Variants in LOC122539214 observed in about 807,000 individuals in gnomAD.
chr19:52,674,766 CAT>C, the LOC122539214 span, among the ~76,000 whole-genome samples: 1 of 152,146 alleles, frequency 6.6e-6, no homozygotes, highest in African/African-American at 2.4e-5. Context: ...TGATTAAAAA[CAT>C]AGAGATACAA....
At chr19:52,655,662 G>C in the LOC122539214 span, 1 of 1,306,614 alleles carries the variant, frequency 7.7e-7, no homozygotes, top group Non-Finnish European at 1.1e-6. Context: ...GAATTCTATA[G>C]CCACATCCCT....
the LOC122539214 span, among the ~76,000 whole-genome samples, chr19:52,685,077 A>C: frequency 1.3e-5 from 2 of 151,976 alleles, no homozygotes; most frequent in Non-Finnish European, 2.9e-5. Context: ...GCTTTTCTTC[A>C]TTTTTGGGGT....
the LOC122539214 span, among the ~76,000 whole-genome samples, chr19:52,677,306 TAAAAAAAAAAA>T: frequency 0.19 from 20,024 of 106,484 alleles, 1,525 homozygotes; most frequent in Admixed American, 0.21. Context: ...AATTGAGAAG[TAAAAAAAAAAA>T]AAAAAAAAAA....
chr19:52,689,704 G>A, the LOC122539214 span, among the ~76,000 whole-genome samples: 8 of 151,482 alleles, frequency 5.3e-5, no homozygotes, highest in Non-Finnish European at 2.9e-5. Flanking sequence ...CATCTCTTAT[G>A]GCTCTTTCTC....
At chr19:52,687,609 ATAATGTG>A in the LOC122539214 span, among the ~76,000 whole-genome samples, 2 of 19,422 alleles carry the variant, frequency 1.0e-4, no homozygotes, top group Admixed American at 5.3e-4. Context: ...GTATATATAT[ATAATGTG>A]TATATATATA....
the LOC122539214 span, among the ~76,000 whole-genome samples, chr19:52,663,177 A>C: frequency 6.6e-6 from 1 of 152,152 alleles, no homozygotes; most frequent in Non-Finnish European, 1.5e-5. Context: ...AAGGAAAAAA[A>C]AAATTCCAGG....
the LOC122539214 span, among the ~76,000 whole-genome samples, chr19:52,656,224 C>A: frequency 9.7e-3 from 1,214 of 124,616 alleles, 5 homozygotes; most frequent in African/African-American, 0.025. Flanking sequence ...CTCTCTCTCT[C>A]TCTATATATA....
chr19:52,688,339 T>C, the LOC122539214 span, among the ~76,000 whole-genome samples: 1 of 141,026 alleles, frequency 7.1e-6, no homozygotes, highest in Non-Finnish European at 1.5e-5. Flanking sequence ...CCCGATTAAT[T>C]TTTTTTTTTT....
chr19:52,664,016 C>G, the LOC122539214 span, among the ~76,000 whole-genome samples: 12 of 152,252 alleles, frequency 7.9e-5, no homozygotes, highest in East Asian at 1.9e-3. Context: ...TCCCCAGTAG[C>G]TGGAATTACA....
chr19:52,682,363 C>G, the LOC122539214 span, among the ~76,000 whole-genome samples: 2 of 151,948 alleles, frequency 1.3e-5, no homozygotes, highest in Admixed American at 1.3e-4. Context: ...TCACCCTGGA[C>G]AGAATAAAAA....
chr19:52,688,202 ACT>A, the LOC122539214 span, among the ~76,000 whole-genome samples: 2 of 151,544 alleles, frequency 1.3e-5, no homozygotes, highest in Admixed American at 6.6e-5. Context: ...ACAGGGTCTC[ACT>A]CTGTTGACCA....
the LOC122539214 span, among the ~76,000 whole-genome samples, chr19:52,666,425 T>C: frequency 6.6e-6 from 1 of 152,096 alleles, no homozygotes; most frequent in Non-Finnish European, 1.5e-5. Flanking sequence ...AACAATGGCA[T>C]ATCCTGAAAG....
chr19:52,669,875 GCTT>G, the LOC122539214 span, among the ~76,000 whole-genome samples: 252 of 152,220 alleles, frequency 1.7e-3, 2 homozygotes, highest in Non-Finnish European at 2.9e-3. Flanking sequence ...ATCCAAAGAA[GCTT>G]CTTCTTATTT....
At chr19:52,661,399 C>G in the LOC122539214 span, among the ~76,000 whole-genome samples, 1 of 152,144 alleles carries the variant, frequency 6.6e-6, no homozygotes, top group Admixed American at 6.5e-5. Flanking sequence ...GGACACAGAT[C>G]TGGCCCTAAC....
the LOC122539214 span, among the ~76,000 whole-genome samples, chr19:52,676,502 G>A: frequency 4.1e-3 from 616 of 151,218 alleles, 1 homozygote; most frequent in African/African-American, 0.014. Context: ...GGAGGGAGGT[G>A]GGGGGCAGCC....
At chr19:52,680,664 G>C in the LOC122539214 span, among the ~76,000 whole-genome samples, 4 of 132,200 alleles carry the variant, frequency 3.0e-5, no homozygotes, top group South Asian at 2.4e-4. Context: ...CCAGGCTGGA[G>C]TGCAGTGGCG....
chr19:52,659,656 GA>G, the LOC122539214 span, among the ~76,000 whole-genome samples: 1 of 149,056 alleles, frequency 6.7e-6, no homozygotes, highest in Non-Finnish European at 1.5e-5. Flanking sequence ...AAGTGAGTGA[GA>G]AGAAGAAAGG....
the LOC122539214 span, among the ~76,000 whole-genome samples, chr19:52,684,667 G>A: frequency 6.6e-6 from 1 of 152,174 alleles, no homozygotes; most frequent in Non-Finnish European, 1.5e-5. Context: ...AGATGTGGGT[G>A]GGAGGGCATG....
the LOC122539214 span, among the ~76,000 whole-genome samples, chr19:52,689,910 C>T: frequency 1.3e-5 from 2 of 152,214 alleles, no homozygotes; most frequent in Admixed American, 6.5e-5. Flanking sequence ...AACGCGGGCT[C>T]AGGAGAAGCG....
Sources: gnomAD v4.1 joint callset for allele counts (sites outside exome capture counted in the v4.1 genomes callset) on GRCh38, gnomAD v4.1.1 for gene constraint, MANE v1.5 for transcripts.